CTNNA2: variants seen among roughly 807,000 people sequenced by gnomAD.
The protein encoded by CTNNA2 is catenin alpha-2.
In CTNNA2, 42 loss-of-function variants were observed where a neutral mutation model predicts 101.0. The observed-to-expected ratio is 0.42, with a 90% CI of 0.32 to 0.54. The LOEUF is 0.54. CTNNA2 is among the 20% of genes least tolerant of loss of function. CTNNA2 has a pLI of 0.14. For missense variants in CTNNA2, 871 were observed against 1,223.1 expected, an observed-to-expected ratio of 0.71 and a Z score of 4.29; for synonymous variants, 450 against 456.4, an observed-to-expected ratio of 0.99 and a Z score of 0.18.
chr2:79,202,235 T>C (rs1402987869), intron 2 of CTNNA2, among the ~76,000 whole-genome samples: 1 of 152,224 alleles, frequency 6.6e-6, no homozygotes, highest in Non-Finnish European at 1.5e-5. Flanking sequence ...CTTGATTTTC[T>C]TCTTTAGCTT....
intron 4 of CTNNA2, among the ~76,000 whole-genome samples, chr2:79,402,560 T>C (rs1355358255): frequency 2.0e-5 from 3 of 151,764 alleles, no homozygotes; most frequent in Non-Finnish European, 4.4e-5. Flanking sequence ...CAATATATTG[T>C]AGTAAAAGTT....
intron 7 of CTNNA2, among the ~76,000 whole-genome samples, chr2:80,181,957 G>C (rs1705813017): frequency 6.6e-6 from 1 of 152,162 alleles, no homozygotes; most frequent in African/African-American, 2.4e-5. Flanking sequence ...TTAAAATTCT[G>C]TTCCTCTAGA....
intron 18 of CTNNA2, among the ~76,000 whole-genome samples, chr2:80,621,452 T>TTTGA (rs1671109814): frequency 6.6e-6 from 1 of 151,916 alleles, no homozygotes; most frequent in Non-Finnish European, 1.5e-5. Flanking sequence ...GACAACGTCA[T>TTTGA]TTGATTAATC....
At chr2:79,520,164 T>C (rs1672027784) in intron 1 of CTNNA2, among the ~76,000 whole-genome samples, 1 of 152,208 alleles carries the variant, frequency 6.6e-6, no homozygotes, top group Admixed American at 6.5e-5. Flanking sequence ...TTTAAGTGAA[T>C]ACTTTGTTGT....
intron 2 of CTNNA2, among the ~76,000 whole-genome samples, chr2:79,701,660 C>G (rs1460935914): frequency 6.6e-6 from 1 of 152,122 alleles, no homozygotes; most frequent in Admixed American, 6.6e-5. Flanking sequence ...CGGAAGGCAT[C>G]TCAGGGAAGT....
At chr2:80,347,838 C>CTTTTTTTTTT (rs778989197) in intron 7 of CTNNA2, among the ~76,000 whole-genome samples, 4 of 146,778 alleles carry the variant, frequency 2.7e-5, no homozygotes, top group South Asian at 2.1e-4. Context: ...TTTTTCTTTT[C>CTTTTTTTTTT]TTTTCTTTTT....
At chr2:79,802,028 A>G (rs1558941318) in intron 3 of CTNNA2, among the ~76,000 whole-genome samples, 1 of 151,562 alleles carries the variant, frequency 6.6e-6, no homozygotes, top group Non-Finnish European at 1.5e-5. Flanking sequence ...AAAAGAAAGA[A>G]AGAAAAAAAG....
At chr2:79,805,568 G>A (rs72824563) in intron 3 of CTNNA2, among the ~76,000 whole-genome samples, 11 of 152,212 alleles carry the variant, frequency 7.2e-5, no homozygotes, top group African/African-American at 2.2e-4. Flanking sequence ...ATAGCAGTAC[G>A]TTACTGAGCT....
intron 9 of CTNNA2, among the ~76,000 whole-genome samples, chr2:80,493,857 A>G (rs1573030682): frequency 6.6e-6 from 1 of 152,250 alleles, no homozygotes; most frequent in East Asian, 1.9e-4. Context: ...AAAAAGTCAA[A>G]TGAGTCAAAG....
intron 3 of CTNNA2, among the ~76,000 whole-genome samples, chr2:79,348,024 A>G (rs1471701379): frequency 6.6e-6 from 1 of 152,090 alleles, no homozygotes; most frequent in East Asian, 1.9e-4. Flanking sequence ...CAGAGCAGTA[A>G]AACAAGGGTA....
At chr2:79,217,224 G>C (rs1674275586) in intron 2 of CTNNA2, among the ~76,000 whole-genome samples, 1 of 152,172 alleles carries the variant, frequency 6.6e-6, no homozygotes, top group South Asian at 2.1e-4. Flanking sequence ...ATCGTAAGTG[G>C]ATCTTTTTCA....
rs905145520 is a variant in CTNNA2 at position 79,314,478 on chromosome 2, C to A, written c.-318+1682C>A. On this transcript the variant is annotated intron_variant, in intron 3 of 21. Transcript: ENST00000466387. Reference sequence around the variant, plus strand: ...ATTTTAAACAGCAATAAAAAAAATTCTCTGGGGTGGAGGGTGGGGTGCAGT... The same window carrying A: ...ATTTTAAACAGCAATAAAAAAAATTATCTGGGGTGGAGGGTGGGGTGCAGT... Among the ~76,000 whole-genome samples, 6 of 152,138 alleles carry A rather than the reference C, an allele frequency of 3.9e-5. No homozygotes were observed. The East Asian group carries it at 7.7e-4, about 20-fold the overall frequency.
intron 7 of CTNNA2, among the ~76,000 whole-genome samples, chr2:80,373,867 G>C (rs17019111): frequency 6.6e-6 from 1 of 152,086 alleles, no homozygotes; most frequent in East Asian, 1.9e-4. Context: ...AGCTTTCCGA[G>C]AATTCACACA....
intron 1 of CTNNA2, among the ~76,000 whole-genome samples, chr2:79,515,160 G>A (rs1671742412): frequency 1.3e-5 from 2 of 152,278 alleles, no homozygotes; most frequent in South Asian, 2.1e-4. Context: ...CTAAAGCTTG[G>A]TTGAATTACC....
At chr2:79,289,468 A>G (rs187970924) in intron 2 of CTNNA2, among the ~76,000 whole-genome samples, 375 of 152,314 alleles carry the variant, frequency 2.5e-3, no homozygotes, top group African/African-American at 8.6e-3. Flanking sequence ...GTTGGTTAGA[A>G]TTCAGCAACC....
At chr2:79,596,309 G>A (rs1013270002) in intron 1 of CTNNA2, among the ~76,000 whole-genome samples, 13 of 151,990 alleles carry the variant, frequency 8.6e-5, no homozygotes, top group Non-Finnish European at 1.5e-4. Flanking sequence ...TTGGAGCTCA[G>A]AGTCAAGGTA....
At chr2:80,037,958 G>A (rs1381607838) in intron 7 of CTNNA2, among the ~76,000 whole-genome samples, 1 of 152,128 alleles carries the variant, frequency 6.6e-6, no homozygotes, top group Non-Finnish European at 1.5e-5. Context: ...TTAAATATAT[G>A]TTGTCATTAT....
intron 14 of CTNNA2, among the ~76,000 whole-genome samples, chr2:80,588,507 G>GT (rs1470922401): frequency 2.6e-5 from 4 of 152,226 alleles, no homozygotes; most frequent in African/African-American, 9.6e-5. Context: ...TGATTTTGGG[G>GT]TTACAAGTAT....
chr2:79,736,313 A>G (rs542966615), intron 2 of CTNNA2, among the ~76,000 whole-genome samples: 1 of 152,358 alleles, frequency 6.6e-6, no homozygotes, highest in South Asian at 2.1e-4. Context: ...AGGAAAAGGC[A>G]CAAGCCATAT....
Sources: allele counts gnomAD v4.1 joint callset (sites outside exome capture counted in the v4.1 genomes callset), GRCh38; gene constraint gnomAD v4.1.1; transcripts MANE v1.5; gene names NCBI Gene and HGNC (gene_info 2026-07-23, HGNC 2026-07-21).